TG: variants seen among roughly 807,000 people sequenced by gnomAD.
The protein encoded by TG is thyroid hormones.
A neutral mutation model predicts 324.7 loss-of-function variants in TG; 270 were observed. That is an observed-to-expected ratio of 0.83 (90% CI 0.75 to 0.92). The LOEUF (loss-of-function observed/expected upper bound fraction) is 0.92. TG is among the 40% of genes least tolerant of loss of function. TG has a pLI of 0.00. For missense variants in TG, 3,591 were observed against 3,456.4 expected, an observed-to-expected ratio of 1.04 and a Z score of -0.98; for synonymous variants, 1,401 against 1,327.0, an observed-to-expected ratio of 1.06 and a Z score of -1.21.
intron 35 of TG, chr8:133,002,492 A>G (rs1178224951): frequency 7.8e-6 from 7 of 895,662 alleles, no homozygotes; most frequent in African/African-American, 1.8e-5. Flanking sequence ...ATAAATTCAG[A>G]CACAATTAAA....
rs377101972 is a variant in TG, at chr8:132,929,214, T to C, written c.4816+22T>C. 5.7e-6 allele frequency: 9 copies of C among 1,573,130 alleles called. No homozygotes were observed. The South Asian group carries it at 7.8e-5, about 14-fold the overall frequency. On this transcript the variant is annotated intron_variant, in intron 23 of 47. Coordinates refer to ENST00000220616, the MANE Select transcript of TG (RefSeq NM_003235.5). Reference sequence around the variant, plus strand: ...ACAGGTGAGGAGTGGTGGGGAGATATGCACTCAGAAGAAGGTGTGGAAATA... The same window carrying C: ...ACAGGTGAGGAGTGGTGGGGAGATACGCACTCAGAAGAAGGTGTGGAAATA...
At chr8:133,018,403 A>G (rs939918146) in intron 38 of TG, among the ~76,000 whole-genome samples, 3 of 152,282 alleles carry the variant, frequency 2.0e-5, no homozygotes, top group Admixed American at 2.0e-4. Flanking sequence ...CATCACTGGC[A>G]CCGCTATTGC....
At chr8:133,074,985 A>G (rs746398257) in intron 41 of TG, 23 of 985,378 alleles carry the variant, frequency 2.3e-5, no homozygotes, top group Non-Finnish European at 2.7e-5. Flanking sequence ...GCGGTTGTGG[A>G]GAAGCAGCCC....
chr8:132,905,852 T>C (rs1054748936), intron 16 of TG, among the ~76,000 whole-genome samples: 7 of 152,018 alleles, frequency 4.6e-5, no homozygotes, highest in Admixed American at 3.3e-4. Context: ...CAGAACGTGT[T>C]GAGTTGATAT....
At chr8:133,081,424 G>T (rs1251962470) in intron 41 of TG, among the ~76,000 whole-genome samples, 2 of 152,218 alleles carry the variant, frequency 1.3e-5, no homozygotes, top group African/African-American at 4.8e-5. Context: ...AGACCCTATT[G>T]TTTCTCTGGA....
chr8:132,892,253 C>T (rs1816334769), intron 10 of TG, among the ~76,000 whole-genome samples: 1 of 152,182 alleles, frequency 6.6e-6, no homozygotes, highest in South Asian at 2.1e-4. Flanking sequence ...TGCATCCATC[C>T]ATCCATCATC....
intron 14 of TG, 180 bp downstream of exon 14, chr8:132,899,090 C>G (rs1817556881): frequency 1.5e-6 from 1 of 662,358 alleles, no homozygotes; most frequent in South Asian, 1.6e-5. Context: ...CTTACCTTTT[C>G]TGTGTCCCAG....
In TG at chr8:133,108,199, G is replaced by T. The variant is rs527753692; in HGVS notation, c.7573-5223G>T. 1.1e-4 allele frequency among the ~76,000 whole-genome samples: 17 copies of T among 151,710 alleles called. No homozygotes were observed. The East Asian group carries it at 3.1e-3, about 28-fold the overall frequency. On this transcript the variant is annotated intron_variant, in intron 43 of 47. Transcript: ENST00000220616. The stretch of plus-strand genomic sequence containing the variant: ...GATGGGGTTTCACTGTGTTAACCAG[G>T]ATGGTCTCGATCTCCTGACCTTGTG...
intron 35 of TG, among the ~76,000 whole-genome samples, chr8:132,989,488 C>T (rs921185702): frequency 3.3e-5 from 5 of 152,136 alleles, no homozygotes; most frequent in African/African-American, 7.2e-5. Flanking sequence ...CTGAGAGGTG[C>T]GAGGTGGAGC....
chr8:132,888,142 G>A lies in TG; in HGVS notation c.2335G>A (p.Glu779Lys), dbSNP rs533964411. Residue 779 changes from glutamate to lysine, a missense_variant, in exon 10 of 48, where the codon GAG becomes AAG. Coordinates refer to ENST00000220616, the MANE Select transcript of TG (RefSeq NM_003235.5). ...WRQVQCNGPP[E>K]QVFELYQRWE... ...ACAAGTGCAATGCAATGGGCCTCCT[G>A]AGCAGGTCTTCGAGTTGTACCAACG... 88 of 1,614,012 alleles carry A rather than the reference G, an allele frequency of 5.5e-5. No homozygotes were observed. Among genetic ancestry groups the A allele is most frequent in the African/African-American group, 2.0e-4 (15 of 75,008 alleles).
At chr8:133,130,421 G>A (rs921466071) in intron 45 of TG, among the ~76,000 whole-genome samples, 4 of 152,192 alleles carry the variant, frequency 2.6e-5, no homozygotes, top group Non-Finnish European at 5.9e-5. Context: ...ATCCTGGTAA[G>A]CTCAATTTAA....
chr8:133,004,146 G>T (rs963166041), intron 35 of TG, among the ~76,000 whole-genome samples: 1 of 151,634 alleles, frequency 6.6e-6, no homozygotes, highest in Admixed American at 6.6e-5. Context: ...TCTGCCCATG[G>T]AAGGGGCAAG....
At chr8:132,898,052 G>T in intron 12 of TG, 117 bp from the exon 13 acceptor site, 1 of 1,070,800 alleles carries the variant, frequency 9.3e-7, no homozygotes, top group South Asian at 1.4e-5. Context: ...CTAGACTGGG[G>T]ACAGAAGGCG....
chr8:132,880,706 C>CA (rs1814533516), intron 5 of TG, among the ~76,000 whole-genome samples: 1 of 152,190 alleles, frequency 6.6e-6, no homozygotes, highest in African/African-American at 2.4e-5. Context: ...GCAATTACTA[C>CA]ACCACACATT....
chr8:133,129,766 G>C (rs1851807782), intron 45 of TG, among the ~76,000 whole-genome samples: 1 of 152,108 alleles, frequency 6.6e-6, no homozygotes, highest in African/African-American at 2.4e-5. Context: ...CAAAGTCCTG[G>C]GATTATAGCC....
Position 133,095,056 on chromosome 8 carries a change from C to A in TG, c.7252C>A (p.Leu2418Ile). The change falls in exon 42 of 48, where the codon CTC becomes ATC. Residue 2418 changes from leucine to isoleucine, a missense_variant. Physicochemically the swap from Leu to Ile is conservative, Grantham distance 5 (BLOSUM62 2). Transcript: ENST00000220616. ...RRAVLMGGSA[L>I]SPAAVISHER... is the part of the protein sequence containing the mutation. ...CTTTCTCTTCCAGGGAGGCTCCGCA[C>A]TCTCCCCGGCCGCCGTCATCAGCCA... The A allele has an allele frequency of 5.6e-6, 9 of 1,613,762 alleles. No homozygotes were observed. Among genetic ancestry groups the A allele is most frequent in the Non-Finnish European group, 7.6e-6 (9 of 1,180,018 alleles).
At chr8:132,937,577 G>A (rs559527919) in intron 25 of TG, among the ~76,000 whole-genome samples, 5 of 152,146 alleles carry the variant, frequency 3.3e-5, no homozygotes, top group African/African-American at 1.2e-4. Flanking sequence ...AATTTCTGCT[G>A]CAATCTTTAT....
At chr8:133,086,527 A>G (rs1229298281) in intron 41 of TG, among the ~76,000 whole-genome samples, 1 of 152,208 alleles carries the variant, frequency 6.6e-6, no homozygotes, top group African/African-American at 2.4e-5. Flanking sequence ...AACTCATTTA[A>G]TACATTTTTA....
chr8:132,925,362 C>T (rs1821693511), intron 22 of TG, among the ~76,000 whole-genome samples: 1 of 152,208 alleles, frequency 6.6e-6, no homozygotes, highest in Admixed American at 6.5e-5. Context: ...CATACACACA[C>T]ATATGCATGC....
Sources: gnomAD v4.1 joint callset for allele counts (sites outside exome capture counted in the v4.1 genomes callset) on GRCh38, gnomAD v4.1.1 for gene constraint, MANE v1.5 for transcripts, NCBI Gene and HGNC (gene_info 2026-07-23, HGNC 2026-07-21) for gene names.